Variants in CGGBP1 observed in about 807,000 individuals in gnomAD.
CGGBP1 encodes CGG triplet repeat-binding protein 1.
Under a neutral mutation model 11.4 loss-of-function variants are expected in CGGBP1, and 4 were observed. That is an observed-to-expected ratio of 0.35 (90% CI 0.17 to 0.80). The LOEUF is 0.80. Ranked by LOEUF, CGGBP1 falls within the 30% of genes least tolerant of loss-of-function variation. CGGBP1 has a pLI of 0.52. For missense variants in CGGBP1, 135 were observed against 202.1 expected (o/e 0.67, Z 2.01); for synonymous variants, 76 against 74.1 (o/e 1.03, Z -0.13).
intron 2 of CGGBP1, chr3:88,095,472 C>A: frequency 2.5e-6 from 1 of 399,210 alleles, no homozygotes; most frequent in South Asian, 1.9e-5. Context: ...CAACATCAGT[C>A]TCTCTTCATA....
intron 2 of CGGBP1, among the ~76,000 whole-genome samples, chr3:88,104,312 C>T (rs898257328): frequency 5.9e-5 from 9 of 152,152 alleles, no homozygotes; most frequent in African/African-American, 1.4e-4. Flanking sequence ...AACTGATCAT[C>T]TAAAGCAGGG....
chr3:88,092,942 T>C (rs1703836398), intron 2 of CGGBP1, among the ~76,000 whole-genome samples: 1 of 152,206 alleles, frequency 6.6e-6, no homozygotes. Flanking sequence ...GATTCTGCTT[T>C]TATTTATACT....
chr3:88,118,360 T>C (rs1705542253), intron 2 of CGGBP1, among the ~76,000 whole-genome samples: 1 of 151,952 alleles, frequency 6.6e-6, no homozygotes, highest in African/African-American at 2.4e-5. Flanking sequence ...CTGCGTAATA[T>C]ACCATAGGAG....
upstream of CGGBP1, chr3:88,059,599 A>G (rs962145109): frequency 6.4e-6 from 9 of 1,412,860 alleles, no homozygotes; most frequent in African/African-American, 1.2e-4. Flanking sequence ...GTCTATGTCC[A>G]GTGCCCGCTC....
intron 2 of CGGBP1, chr3:88,140,740 C>G (rs1394960994): frequency 6.2e-7 from 1 of 1,613,726 alleles, no homozygotes; most frequent in Admixed American, 1.7e-5. Context: ...TTGCCAGTAT[C>G]TCAGGCACCT....
At chr3:88,056,543 A>C (rs1248049062) in intron 3 of CGGBP1, 2 of 151,728 alleles carry the variant, frequency 1.3e-5, no homozygotes, top group African/African-American at 4.8e-5. Flanking sequence ...ACAAAAAAAA[A>C]CCAGACCAAA....
At chr3:88,137,751 G>A in intron 2 of CGGBP1, among the ~76,000 whole-genome samples, 1 of 152,094 alleles carries the variant, frequency 6.6e-6, no homozygotes, top group Admixed American at 6.6e-5. Flanking sequence ...GTGAAAATCG[G>A]ATGTGCCAAG....
chr3:88,072,507 A>G (rs1480166330), intron 2 of CGGBP1, among the ~76,000 whole-genome samples: 1 of 152,112 alleles, frequency 6.6e-6, no homozygotes, highest in Non-Finnish European at 1.5e-5. Flanking sequence ...CTCCTTGTAC[A>G]TATCTGCTTC....
chr3:88,055,440 T>G lies in CGGBP1; in HGVS notation c.*33A>C. Reference sequence around the variant, plus strand: ...CAACACATAACTTTAATACTCCACATTTATCTTGATCACAATGGTGGTAAC... The same window carrying G: ...CAACACATAACTTTAATACTCCACAGTTATCTTGATCACAATGGTGGTAAC... On this transcript the variant is annotated 3_prime_UTR_variant, in exon 4 of 4. Coordinates refer to ENST00000482016, the MANE Select transcript of CGGBP1 (RefSeq NM_001008390.2). This position sits in a 1 kb window ranked among gnomAD's most constrained non-coding sequence, Gnocchi z 4.2. 6.7e-7 allele frequency: 1 copy of G among 1,490,236 alleles called. No individual in the cohort carries two copies. The highest frequency in any genetic ancestry group is 1.4e-5 in the South Asian group (1 of 69,936). 92.3% of individuals were successfully genotyped at this position (1,490,236 alleles called of 1,614,324 possible). A position where few individuals can be genotyped will look rare whatever the true frequency, so the allele number is the denominator to read the frequency against.
At chr3:88,094,673 C>A (rs1703953683) in intron 2 of CGGBP1, among the ~76,000 whole-genome samples, 1 of 152,020 alleles carries the variant, frequency 6.6e-6, no homozygotes, top group African/African-American at 2.4e-5. Context: ...AAAAGTTATT[C>A]TTTAAAAGAT....
chr3:88,139,867 A>G, intron 2 of CGGBP1: 4 of 1,606,062 alleles, frequency 2.5e-6, no homozygotes, highest in Non-Finnish European at 3.4e-6. Flanking sequence ...ACTGTGTGCC[A>G]TCCAAAAGAC....
intron 1 of CGGBP1, among the ~76,000 whole-genome samples, chr3:88,147,130 C>G (rs1396715704): frequency 6.6e-6 from 1 of 152,178 alleles, no homozygotes; most frequent in East Asian, 1.9e-4. Context: ...GTGCGGGCCT[C>G]TGTAACAGGC....
chr3:88,127,260 C>T (rs1181130098), intron 2 of CGGBP1, among the ~76,000 whole-genome samples: 1 of 152,096 alleles, frequency 6.6e-6, no homozygotes, highest in Admixed American at 6.6e-5. Context: ...CAGGTTATTT[C>T]TGTTAGTCAC....
At chr3:88,129,628 G>A (rs1706328948) in intron 2 of CGGBP1, 1 of 1,249,326 alleles carries the variant, frequency 8.0e-7, no homozygotes, top group Non-Finnish European at 1.0e-6. Context: ...AACATTTATT[G>A]CAACTAGCTT....
chr3:88,145,932 T>G (rs1707305323), intron 1 of CGGBP1, among the ~76,000 whole-genome samples: 1 of 152,194 alleles, frequency 6.6e-6, no homozygotes, highest in African/African-American at 2.4e-5. Flanking sequence ...AAAAATCAGA[T>G]GTGTCCTAAA....
chr3:88,109,294 T>C (rs1367918371), intron 2 of CGGBP1, among the ~76,000 whole-genome samples: 1 of 152,104 alleles, frequency 6.6e-6, no homozygotes, highest in East Asian at 1.9e-4. Flanking sequence ...CACAATCAAA[T>C]GCTCTTTGTT....
At chr3:88,111,383 A>T (rs1705080425) in intron 2 of CGGBP1, among the ~76,000 whole-genome samples, 1 of 151,970 alleles carries the variant, frequency 6.6e-6, no homozygotes, top group South Asian at 2.1e-4. Context: ...AACTTTATGT[A>T]TTGGTATATA....
intron 2 of CGGBP1, among the ~76,000 whole-genome samples, chr3:88,112,608 G>A (rs1348869950): frequency 2.0e-5 from 3 of 152,006 alleles, no homozygotes; most frequent in Non-Finnish European, 4.4e-5. Flanking sequence ...TCATTTATTA[G>A]ATATGGTTGT....
intron 2 of CGGBP1, among the ~76,000 whole-genome samples, chr3:88,103,869 C>T (rs1280176528): frequency 4.0e-5 from 6 of 148,534 alleles, no homozygotes; most frequent in South Asian, 4.2e-4. Context: ...CGGGGTCAAG[C>T]GATTCTTCTG....
Sources: allele counts gnomAD v4.1 joint callset (sites outside exome capture counted in the v4.1 genomes callset), GRCh38; gene constraint gnomAD v4.1.1; non-coding constraint Gnocchi (gnomAD v3.1); transcripts MANE v1.5; gene names NCBI Gene and HGNC (gene_info 2026-07-23, HGNC 2026-07-21).